HIVEP3: variants seen among roughly 807,000 people sequenced by gnomAD.
HIVEP3 encodes the protein transcription factor HIVEP3.
HIVEP3 carries 49 observed loss-of-function variants against 152.8 expected under a neutral mutation model. That is an observed-to-expected ratio of 0.32 (90% confidence interval 0.26 to 0.41). The LOEUF is 0.41. Among genes scored for constraint, HIVEP3 ranks in the 10% least tolerant of loss-of-function variants. The pLI is 1.00. For synonymous variants in HIVEP3, 1,269 were observed against 1,289.0 expected (o/e 0.98, Z 0.33); for missense variants, 2,790 against 3,103.3 (o/e 0.90, Z 2.40).
chr1:41,978,704 G>A (rs577515910), intron 1 of HIVEP3, among the ~76,000 whole-genome samples: 3 of 152,264 alleles, frequency 2.0e-5, no homozygotes, highest in African/African-American at 4.8e-5. Flanking sequence ...TCAGTGCCAG[G>A]CACTCTTCTG....
chr1:41,514,962 G>A (rs937547255), intron 7 of HIVEP3, among the ~76,000 whole-genome samples: 1 of 152,236 alleles, frequency 6.6e-6, no homozygotes, highest in Non-Finnish European at 1.5e-5. Flanking sequence ...TAACATGTCA[G>A]GAGTCTAGTT....
chr1:41,808,244 A>G (rs1650748228), intron 1 of HIVEP3, among the ~76,000 whole-genome samples: 1 of 152,262 alleles, frequency 6.6e-6, no homozygotes, highest in African/African-American at 2.4e-5. Flanking sequence ...CTGAGGCTCC[A>G]GAGGGCATGC....
intron 5 of HIVEP3, among the ~76,000 whole-genome samples, chr1:41,534,430 G>A (rs1643347188): frequency 6.6e-6 from 1 of 151,688 alleles, no homozygotes; most frequent in Non-Finnish European, 1.5e-5. Context: ...CCCCTCTCCT[G>A]TAAGACCAGC....
chr1:41,581,836 T>C lies in HIVEP3; in HGVS notation c.2962A>G (p.Met988Val), dbSNP rs764295702. 6.3e-7 allele frequency: 1 copy of C among 1,596,998 alleles called. No individual in the cohort carries two copies. The highest frequency in any genetic ancestry group is 8.5e-7 in the Non-Finnish European group (1 of 1,170,836). The change falls in exon 4 of 9, where the codon ATG becomes GTG. Residue 988 changes from methionine to valine, a missense_variant. This residue lies in a region of HIVEP3 where 1,078 missense variants were observed against 1,165.3 expected (regional missense o/e 0.93). Coordinates refer to ENST00000372583, the MANE Select transcript of HIVEP3 (RefSeq NM_024503.5). The surrounding 1 kb of genome is among the most constrained non-coding windows in gnomAD (Gnocchi z 4.5). The part of the protein sequence containing the change: ...VPSHHPHARE[M>V]RRSASEQSPN... The stretch of plus-strand genomic sequence containing the variant: ...CTCTGCTCTGAGGCTGACCTCCGCA[T>C]CTCTCGGGCATGTGGGTGGTGGCTG...
chr1:41,692,134 G>A (rs1646207355), intron 2 of HIVEP3, among the ~76,000 whole-genome samples: 1 of 152,226 alleles, frequency 6.6e-6, no homozygotes, highest in Non-Finnish European at 1.5e-5. Flanking sequence ...GCGAGCCACT[G>A]CGCCCAGTGT....
At chr1:41,676,754 T>A (rs1327534620) in intron 2 of HIVEP3, among the ~76,000 whole-genome samples, 1 of 152,126 alleles carries the variant, frequency 6.6e-6, no homozygotes, top group Admixed American at 6.5e-5. Context: ...GAGGCCACCA[T>A]CCTGGCCAGG....
chr1:41,519,378 C>T (rs1642697446), intron 6 of HIVEP3, among the ~76,000 whole-genome samples: 1 of 152,200 alleles, frequency 6.6e-6, no homozygotes, highest in Non-Finnish European at 1.5e-5. Flanking sequence ...CCAACAGGTG[C>T]ACAACATTTC....
intron 1 of HIVEP3, among the ~76,000 whole-genome samples, chr1:41,744,406 T>G (rs1042503279): frequency 2.0e-5 from 3 of 152,220 alleles, no homozygotes; most frequent in African/African-American, 7.2e-5. Flanking sequence ...GTGGAAGAGC[T>G]GAATCAAACT....
chr1:41,547,310 G>A (rs1402405983), intron 5 of HIVEP3, among the ~76,000 whole-genome samples: 1 of 152,224 alleles, frequency 6.6e-6, no homozygotes, highest in Non-Finnish European at 1.5e-5. Context: ...ACAGAAAATA[G>A]TAAAAGTCAA....
intron 1 of HIVEP3, among the ~76,000 whole-genome samples, chr1:41,993,244 G>A (rs1394713335): frequency 1.9e-4 from 29 of 151,584 alleles, no homozygotes; most frequent in African/African-American, 2.7e-4. Flanking sequence ...TTTCGCAACC[G>A]ACTCATCTGA....
At chr1:41,674,128 T>G (rs1645918938) in intron 2 of HIVEP3, among the ~76,000 whole-genome samples, 1 of 152,216 alleles carries the variant, frequency 6.6e-6, no homozygotes. Flanking sequence ...GAGAATTGAA[T>G]GTCACCCAGA....
At chr1:41,821,862 G>C (rs947716490) in intron 1 of HIVEP3, among the ~76,000 whole-genome samples, 1 of 152,166 alleles carries the variant, frequency 6.6e-6, no homozygotes, top group African/African-American at 2.4e-5. Flanking sequence ...TAATTGTGTT[G>C]ATCATGCTGC....
chr1:41,624,364 C>T (rs1037000288), intron 3 of HIVEP3, among the ~76,000 whole-genome samples: 1 of 152,202 alleles, frequency 6.6e-6, no homozygotes, highest in Non-Finnish European at 1.5e-5. Flanking sequence ...TAACAGAAAA[C>T]GAGCACGTAC....
intron 2 of HIVEP3, among the ~76,000 whole-genome samples, chr1:41,635,079 T>C (rs577614269): frequency 6.6e-6 from 1 of 152,292 alleles, no homozygotes; most frequent in Admixed American, 6.5e-5. Flanking sequence ...AATGCACGAA[T>C]TGTACGGACC....
intron 1 of HIVEP3, among the ~76,000 whole-genome samples, chr1:41,818,884 G>T (rs904154851): frequency 3.3e-5 from 5 of 152,146 alleles, no homozygotes; most frequent in Non-Finnish European, 7.4e-5. Flanking sequence ...GGAAGGTGAG[G>T]GAGAGGTGTT....
chr1:41,702,014 C>T (rs1343630513), intron 1 of HIVEP3, among the ~76,000 whole-genome samples: 1 of 152,138 alleles, frequency 6.6e-6, no homozygotes, highest in Admixed American at 6.5e-5. Flanking sequence ...GGATGTGTGC[C>T]CTTAGGGAGG....
intron 1 of HIVEP3, among the ~76,000 whole-genome samples, chr1:41,772,996 G>GC (rs1465570266): frequency 1.3e-5 from 2 of 152,180 alleles, no homozygotes; most frequent in African/African-American, 2.4e-5. Context: ...CACTGCATAT[G>GC]CCCCACAGAT....
chr1:41,737,853 C>T (rs148590828), intron 1 of HIVEP3, among the ~76,000 whole-genome samples: 2,219 of 152,296 alleles, frequency 0.015, 25 homozygotes, highest in Non-Finnish European at 0.018. Flanking sequence ...AAACGGCTTA[C>T]AGATTTGTGA....
chr1:41,948,670 T>C (rs1180539084), intron 1 of HIVEP3, among the ~76,000 whole-genome samples: 3 of 152,028 alleles, frequency 2.0e-5, no homozygotes, highest in East Asian at 3.8e-4. Context: ...CACGAGGACA[T>C]AGTTTCCTCC....
Sources: allele counts gnomAD v4.1 joint callset (sites outside exome capture counted in the v4.1 genomes callset), GRCh38; gene constraint gnomAD v4.1.1; regional missense constraint gnomAD v4.1.1; non-coding constraint Gnocchi (gnomAD v3.1); transcripts MANE v1.5; gene names NCBI Gene and HGNC (gene_info 2026-07-23, HGNC 2026-07-21).